The following TARDBP variants were observed in gnomAD, a reference collection of about 807,000 sequenced individuals.
The protein encoded by TARDBP is TAR DNA binding protein.
In TARDBP, 4 loss-of-function variants were observed where a neutral mutation model predicts 38.3. The ratio of observed to expected loss-of-function variants is 0.10; its 90% CI spans 0.05 to 0.24. The LOEUF (loss-of-function observed/expected upper bound fraction) is 0.24. TARDBP is among the 10% of genes least tolerant of loss of function. The pLI is 1.00. For missense variants in TARDBP, 202 were observed against 521.9 expected (o/e 0.39, Z 5.97); for synonymous variants, 184 against 183.8 (o/e 1.00, Z -0.01).
At chr1:11,028,924 A>G (rs1643791716), downstream of TARDBP, among the ~76,000 whole-genome samples, 1 of 150,534 alleles carries the variant, frequency 6.6e-6, no homozygotes, top group African/African-American at 2.4e-5. Flanking sequence ...CGTTTTAGCC[A>G]GACTGGTCTT....
chr1:11,016,356 C>CAA (rs1411688988), intron 2 of TARDBP: 8 of 172,722 alleles, frequency 4.6e-5, no homozygotes, highest in Admixed American at 4.5e-4. Context: ...AGGCACACTG[C>CAA]AGCCTCAAAC....
At chr1:11,018,366 T>G in intron 3 of TARDBP, 1 of 317,592 alleles carries the variant, frequency 3.1e-6, no homozygotes, top group Non-Finnish European at 6.1e-6. Flanking sequence ...TCTTTGTATT[T>G]TTTGTAGAGA....
chr1:11,030,197 A>C, downstream of TARDBP: 1 of 1,613,300 alleles, frequency 6.2e-7, no homozygotes, highest in Non-Finnish European at 8.5e-7. Flanking sequence ...ACTGGGAGTG[A>C]TTTTTCTCCT....
chr1:11,017,093 A>G, intron 3 of TARDBP, 86 bp downstream of exon 3: 2 of 1,452,230 alleles, frequency 1.4e-6, no homozygotes, highest in Admixed American at 1.7e-5. Flanking sequence ...GAGATGGGGT[A>G]TCACTATGTT....
rs886045032 is a variant in TARDBP, at chr1:11,012,679, G to C, written c.-77G>C. ...ATTTTGTGGGAGCGAAGCGGTGGCT[G>C]GGCTGCGCTTGGGTCCGTCGCTGCT... is the stretch of plus-strand genomic sequence containing the variant. On this transcript the variant is annotated 5_prime_UTR_variant, in exon 1 of 6. Transcript: ENST00000240185. 6.6e-6 allele frequency: 1 copy of C among 152,340 alleles called. No individual in the cohort carries two copies. The highest frequency in any genetic ancestry group is 2.4e-5 in the African/African-American group (1 of 41,470). The allele number at this position is 152,340 out of a possible 1,614,324, so 9.4% of individuals were successfully genotyped here. A position where few individuals can be genotyped will look rare whatever the true frequency, so the allele number is the denominator to read the frequency against.
downstream of TARDBP, chr1:11,030,214 C>A: frequency 6.2e-7 from 1 of 1,613,586 alleles, no homozygotes; most frequent in Non-Finnish European, 8.5e-7. Flanking sequence ...TCCTTTGGAG[C>A]TCGTCCAGAA....
rs2100857851 is a variant in TARDBP at position 11,022,974 on chromosome 1, T to C, written c.*320T>C. 1 of 1,390,986 alleles carries C rather than the reference T, an allele frequency of 7.2e-7. No individual in the cohort carries two copies. Among genetic ancestry groups the C allele is most frequent in the African/African-American group, 1.5e-5 (1 of 68,626 alleles). The allele number at this position is 1,390,986 out of a possible 1,614,324, so 86.2% of individuals were successfully genotyped here. A position where few individuals can be genotyped will look rare whatever the true frequency, so the allele number is the denominator to read the frequency against. ...ATATTTTATCCCTGGACTTGTCAAG[T>C]GAATTCTTTGCATGTTCAAAACGGA... is the stretch of plus-strand genomic sequence containing the variant. On this transcript the variant is annotated 3_prime_UTR_variant, in exon 6 of 6. Transcript: ENST00000240185. This position sits in a 1 kb window ranked among gnomAD's most constrained non-coding sequence, Gnocchi z 4.5.
In TARDBP at chr1:11,023,558, T is replaced by C. The variant is rs1643680361; in HGVS notation, c.*904T>C. 9.4e-6 allele frequency: 4 copies of C among 424,698 alleles called. No homozygotes were observed. Among genetic ancestry groups the C allele is most frequent in the Non-Finnish European group, 1.7e-5 (4 of 238,818 alleles). 26.3% of individuals were successfully genotyped at this position (424,698 alleles called of 1,614,324 possible). ...ATTTTTTAACTTGGCGAGATGTGTC[T>C]CTCAATCCTGTGGCTTTGGTGAGAG... is the stretch of plus-strand genomic sequence containing the variant. On this transcript the variant is annotated 3_prime_UTR_variant, in exon 6 of 6. Coordinates refer to ENST00000240185, the MANE Select transcript of TARDBP (RefSeq NM_007375.4).
Position 11,012,961 on chromosome 1 carries a change from C to T in TARDBP, c.-13+218C>T, listed in dbSNP as rs139835354. ...ACGGGGGGCCGGGCCCGCGGTGCCG[C>T]GTAGCCTGAGGCGGAGGTTGGCCCC... On this transcript the variant is annotated intron_variant, in intron 1 of 5. Transcript: ENST00000240185. Among the ~76,000 whole-genome samples the T allele has an allele frequency of 7.9e-3, 1,211 of 152,348 alleles. 12 individuals are homozygous for T. Among genetic ancestry groups the T allele is most frequent in the Non-Finnish European group, 0.012 (822 of 68,026 alleles).
At position 11,013,764 on chromosome 1, in the gene TARDBP, G is replaced by A; in HGVS notation, c.37G>A (p.Asp13Asn). Reference protein sequence around the residue: ...EYIRVTEDENDEPIEIPSEDD... With the variant: ...EYIRVTEDENNEPIEIPSEDD... ...TATTCGGGTAACCGAAGATGAGAACGATGAGCCCATTGAAATACCATCGGA... is the reference window on the plus strand; with the variant it reads ...TATTCGGGTAACCGAAGATGAGAACAATGAGCCCATTGAAATACCATCGGA... The change falls in exon 2 of 6, where the codon GAT (aspartate) becomes AAT (asparagine). Residue 13 changes from aspartate (D) to asparagine (N), a missense_variant. Coordinates refer to ENST00000240185, the MANE Select transcript of TARDBP (RefSeq NM_007375.4). 1 of 1,612,862 alleles carries A rather than the reference G, an allele frequency of 6.2e-7. No individual in the cohort carries two copies. The highest frequency in any genetic ancestry group is 8.5e-7 in the Non-Finnish European group (1 of 1,179,310).
intron 2 of TARDBP, among the ~76,000 whole-genome samples, chr1:11,014,457 A>G (rs1040192023): frequency 2.6e-5 from 4 of 152,196 alleles, no homozygotes; most frequent in Admixed American, 1.3e-4. Context: ...CTTATCAATG[A>G]TGTTCTAAAT....
At chr1:11,015,021 C>T (rs950673528) in intron 2 of TARDBP, among the ~76,000 whole-genome samples, 11 of 150,798 alleles carry the variant, frequency 7.3e-5, no homozygotes, top group African/African-American at 2.4e-4. Context: ...GCAGGAGAAT[C>T]GCTTGAACCT....
In TARDBP at chr1:11,022,673, G is replaced by T. The variant is rs1570725716; in HGVS notation, c.*19G>T. 1 of 1,608,072 alleles carries T rather than the reference G, an allele frequency of 6.2e-7. No homozygotes were observed. The highest frequency in any genetic ancestry group is 2.2e-5 in the East Asian group (1 of 44,818). On this transcript the variant is annotated 3_prime_UTR_variant, in exon 6 of 6. Transcript: ENST00000240185. The surrounding 1 kb of genome is among the most constrained non-coding windows in gnomAD (Gnocchi z 4.5). The stretch of plus-strand genomic sequence containing the variant: ...AATGTAGACAGTGGGGTTGTGGTTG[G>T]TTGGTATAGAATGGTGGGAATTCAA...
downstream of TARDBP, chr1:11,025,973 A>G (rs1304818260): frequency 1.3e-5 from 2 of 154,864 alleles, no homozygotes; most frequent in Admixed American, 6.5e-5. Context: ...CACTGTGCCC[A>G]AGTATTTCAT....
intron 3 of TARDBP, 54 bp from the exon 4 acceptor site, chr1:11,018,679 A>G (rs1643577451): frequency 6.2e-7 from 1 of 1,612,806 alleles, no homozygotes; most frequent in Non-Finnish European, 8.5e-7. Flanking sequence ...TGATTTGGGA[A>G]TGGAGTGTGT....
rs1333328230 is a variant in TARDBP at position 11,022,108 on chromosome 1, C to A, written c.715-16C>A. Reference sequence around the variant, plus strand: ...GTGGTTTAATCTTCTTTGTTTACATCCCTTATTTCTTATAGATTGCGCAGT... The same window carrying A: ...GTGGTTTAATCTTCTTTGTTTACATACCTTATTTCTTATAGATTGCGCAGT... On this transcript the variant is annotated splice_polypyrimidine_tract_variant and intron_variant, in intron 5 of 5. Coordinates refer to ENST00000240185, the MANE Select transcript of TARDBP (RefSeq NM_007375.4). The surrounding 1 kb of genome is among the most constrained non-coding windows in gnomAD (Gnocchi z 4.5). 6.2e-7 allele frequency: 1 copy of A among 1,613,818 alleles called. No individual in the cohort carries two copies.
chr1:11,026,939 G>A (rs1643743278), downstream of TARDBP: 8 of 1,517,558 alleles, frequency 5.3e-6, no homozygotes, highest in Non-Finnish European at 7.0e-6. Flanking sequence ...TAACTTTTGT[G>A]TAGACTCCAT....
At chr1:11,020,352 T>TA in intron 4 of TARDBP, 77 bp from the exon 5 acceptor site, 1 of 1,567,404 alleles carries the variant, frequency 6.4e-7, no homozygotes, top group Non-Finnish European at 8.8e-7. Context: ...ATGATTTTGT[T>TA]ATATCCCTTA....
chr1:11,028,697 G>GTTTTT (rs1208974169), downstream of TARDBP, among the ~76,000 whole-genome samples: 209 of 36,114 alleles, frequency 5.8e-3, 9 homozygotes, highest in African/African-American at 0.023. Flanking sequence ...ATCTTTCTGG[G>GTTTTT]TTTTTTTTCT....
Sources: gnomAD v4.1 joint callset for allele counts (sites outside exome capture counted in the v4.1 genomes callset) on GRCh38, gnomAD v4.1.1 for gene constraint, Gnocchi (gnomAD v3.1) non-coding constraint, MANE v1.5 for transcripts, NCBI Gene and HGNC (gene_info 2026-07-23, HGNC 2026-07-21) for gene names.